Variants in DPPA2 observed in about 807,000 individuals in gnomAD.
DPPA2 encodes the protein developmental pluripotency-associated protein 2.
In DPPA2, 26 loss-of-function variants were observed where a neutral mutation model predicts 36.2. The observed-to-expected ratio is 0.72, with a 90% CI of 0.53 to 1.00. The LOEUF (loss-of-function observed/expected upper bound fraction) is 1.00. Among genes scored for constraint, DPPA2 ranks in the 50% least tolerant of loss-of-function variants. The pLI is 0.00. For missense variants in DPPA2, 361 were observed against 365.1 expected, an observed-to-expected ratio of 0.99 and a Z score of 0.09; for synonymous variants, 113 against 123.2, an observed-to-expected ratio of 0.92 and a Z score of 0.55.
At chr3:109,297,185 A>G (rs1018237735) in intron 8 of DPPA2, among the ~76,000 whole-genome samples, 1 of 152,174 alleles carries the variant, frequency 6.6e-6, no homozygotes, top group African/African-American at 2.4e-5. Flanking sequence ...TAAACATATA[A>G]AAAGATGCTC....
At chr3:109,305,375 G>A (rs1015499135) in intron 6 of DPPA2, among the ~76,000 whole-genome samples, 6 of 152,072 alleles carry the variant, frequency 3.9e-5, no homozygotes, top group Non-Finnish European at 7.4e-5. Flanking sequence ...AAGTTACTCA[G>A]AGCCAAGTCA....
intron 3 of DPPA2, among the ~76,000 whole-genome samples, chr3:109,309,562 C>T (rs949458876): frequency 8.6e-5 from 13 of 151,404 alleles, no homozygotes; most frequent in East Asian, 2.0e-4. Flanking sequence ...TGCTGGCGGG[C>T]GCCTGTAGTC....
At chr3:109,302,449 C>A (rs1006144893) in intron 7 of DPPA2, among the ~76,000 whole-genome samples, 1 of 152,024 alleles carries the variant, frequency 6.6e-6, no homozygotes, top group African/African-American at 2.4e-5. Context: ...AGCCCACTTT[C>A]TTTTCTTTTT....
intron 1 of DPPA2, 55 bp from the exon 2 acceptor site, chr3:109,314,610 C>T (rs1299271062): frequency 6.7e-7 from 1 of 1,495,062 alleles, no homozygotes; most frequent in East Asian, 2.3e-5. Context: ...TTCTCTTAAC[C>T]TGCTTTCTCC....
intron 8 of DPPA2, among the ~76,000 whole-genome samples, chr3:109,298,100 A>G (rs1707384897): frequency 6.6e-6 from 1 of 152,008 alleles, no homozygotes; most frequent in Non-Finnish European, 1.5e-5. Context: ...GACTGAGCAA[A>G]AAGATCTATG....
At chr3:109,312,499 C>T (rs1707727884) in intron 3 of DPPA2, 46 bp downstream of exon 3, 1 of 1,569,142 alleles carries the variant, frequency 6.4e-7, no homozygotes, top group Non-Finnish European at 8.7e-7. Context: ...TCCTGGGCTT[C>T]CCAGAGTTGT....
In DPPA2 at chr3:109,303,448, G is replaced by T. The variant is rs376257682; in HGVS notation, c.854+1027C>A. 4.4e-4 allele frequency among the ~76,000 whole-genome samples: 66 copies of T among 149,276 alleles called. No individual in the cohort carries two copies. The East Asian group carries it at 0.011, about 25-fold the overall frequency. On this transcript the variant is annotated intron_variant, in intron 7 of 8. Transcript: ENST00000478945. ...TGCAATGGCACAATCTCAGCTCACCGCAACCTCTGCCTCCCGGGTTCAGCG... is the reference window on the plus strand; with the variant it reads ...TGCAATGGCACAATCTCAGCTCACCTCAACCTCTGCCTCCCGGGTTCAGCG...
rs115619611 is a variant in DPPA2, at chr3:109,313,470, C to T, written c.34-778G>A. 5.8e-3 allele frequency among the ~76,000 whole-genome samples: 882 copies of T among 152,288 alleles called. 10 individuals carry two copies. Among genetic ancestry groups the T allele is most frequent in the African/African-American group, 0.02 (822 of 41,550 alleles). On this transcript the variant is annotated intron_variant, in intron 2 of 8. Transcript: ENST00000478945. ...ATGAATAAAAGATAAAGTAGAAAAG[C>T]AGGTAGATAGAAAGAAACTAACATT... is the stretch of plus-strand genomic sequence containing the variant.
Position 109,300,422 on chromosome 3 carries a change from T to A in DPPA2, c.868A>T (p.Met290Leu). Reference protein sequence around the residue: ...PDCAKRNKKMMKRLMTVEK With the variant: ...PDCAKRNKKMLKRLMTVEK The stretch of plus-strand genomic sequence containing the variant: ...TTCTCTACTGTCATTAATCTTTTCA[T>A]CATCTTCTTATTCCTGTAAGGCAAG... Residue 290 changes from methionine (M) to leucine (L), a missense_variant, in exon 8 of 9, where the codon ATG becomes TTG. By Grantham distance (15) the Met-to-Leu change is conservative. Coordinates refer to ENST00000478945, the MANE Select transcript of DPPA2 (RefSeq NM_138815.4). 1 of 1,614,062 alleles carries A rather than the reference T, an allele frequency of 6.2e-7. No homozygotes were observed. The highest frequency in any genetic ancestry group is 8.5e-7 in the Non-Finnish European group (1 of 1,179,940).
Position 109,304,589 on chromosome 3 carries a change from T to G in DPPA2, c.740A>C (p.Gln247Pro), listed in dbSNP as rs1181700679. ...GWVRLQFHAGQAWVPTTHRRM... is the reference protein window; with the variant it reads ...GWVRLQFHAGPAWVPTTHRRM... Reference sequence around the variant, plus strand: ...CCTGTGAGTGGTAGGCACCCAGGCCTGACCTGCATGAAACTGCAGGCGTAC... The same window carrying G: ...CCTGTGAGTGGTAGGCACCCAGGCCGGACCTGCATGAAACTGCAGGCGTAC... Residue 247 changes from glutamine to proline, a missense_variant, in exon 7 of 9, where the codon CAG becomes CCG. Physicochemically the swap from Gln to Pro is moderately conservative, Grantham distance 76. Coordinates refer to ENST00000478945, the MANE Select transcript of DPPA2 (RefSeq NM_138815.4). The G allele has an allele frequency of 6.2e-6, 10 of 1,613,980 alleles. No individual in the cohort carries two copies. Among genetic ancestry groups the G allele is most frequent in the Non-Finnish European group, 8.5e-6 (10 of 1,180,010 alleles).
At chr3:109,296,503 T>C (rs1465185047) in intron 8 of DPPA2, among the ~76,000 whole-genome samples, 2 of 151,960 alleles carry the variant, frequency 1.3e-5, no homozygotes, top group African/African-American at 4.8e-5. Flanking sequence ...GGAGAAACAC[T>C]GTCTCTACTA....
intron 7 of DPPA2, among the ~76,000 whole-genome samples, chr3:109,302,039 T>C (rs942381902): frequency 2.6e-5 from 4 of 152,200 alleles, no homozygotes; most frequent in African/African-American, 9.6e-5. Flanking sequence ...ATTATTTCCT[T>C]CTAAGACTCT....
At chr3:109,303,982 C>A (rs1019274686) in intron 7 of DPPA2, among the ~76,000 whole-genome samples, 1 of 151,784 alleles carries the variant, frequency 6.6e-6, no homozygotes. Context: ...ACTAAAAATA[C>A]AGAAATTAGC....
Position 109,304,468 on chromosome 3 carries a change from G to T in DPPA2, c.854+7C>A, listed in dbSNP as rs1218390085. The T allele has an allele frequency of 1.9e-6, 3 of 1,602,748 alleles. No individual in the cohort carries two copies. ...GTGCCATGCTTAACAAGATACATAA[G>T]GGTTACCTCTTAGCACAGTCGGGGC... On this transcript the variant is annotated splice_region_variant and intron_variant, in intron 7 of 8. Coordinates refer to ENST00000478945, the MANE Select transcript of DPPA2 (RefSeq NM_138815.4).
At chr3:109,307,250 T>G (rs947467575) in intron 6 of DPPA2, among the ~76,000 whole-genome samples, 31 of 151,950 alleles carry the variant, frequency 2.0e-4, no homozygotes, top group Non-Finnish European at 3.2e-4. Flanking sequence ...CATACAGGCA[T>G]GAGCCACCAA....
intron 8 of DPPA2, among the ~76,000 whole-genome samples, chr3:109,297,612 T>C (rs567637402): frequency 2.0e-5 from 3 of 151,720 alleles, no homozygotes; most frequent in African/African-American, 4.8e-5. Context: ...CTAAGAAAGA[T>C]ATGGTGCAAC....
chr3:109,295,850 T>C (rs1023533879), intron 8 of DPPA2, among the ~76,000 whole-genome samples: 5 of 151,984 alleles, frequency 3.3e-5, no homozygotes, highest in African/African-American at 1.2e-4. Flanking sequence ...AGTGGGAAGA[T>C]GGAAATTCCA....
chr3:109,315,661 TG>T (rs1410544062), intron 1 of DPPA2, among the ~76,000 whole-genome samples: 1 of 152,184 alleles, frequency 6.6e-6, no homozygotes, highest in African/African-American at 2.4e-5. Context: ...GAAAATGATT[TG>T]GTCCATTAAT....
chr3:109,294,299 T>C (rs1407456159), intron 8 of DPPA2, among the ~76,000 whole-genome samples: 2 of 152,222 alleles, frequency 1.3e-5, no homozygotes, highest in African/African-American at 2.4e-5. Context: ...GACATGTTTA[T>C]ACTAGAAGAC....
Sources: gnomAD v4.1 joint callset for allele counts (sites outside exome capture counted in the v4.1 genomes callset) on GRCh38, gnomAD v4.1.1 for gene constraint, MANE v1.5 for transcripts, NCBI Gene and HGNC (gene_info 2026-07-23, HGNC 2026-07-21) for gene names.